CSMD1: variants seen among roughly 807,000 people sequenced by gnomAD.
CSMD1 encodes CUB and sushi domain-containing protein 1.
In CSMD1, 213 loss-of-function variants were observed where a neutral mutation model predicts 417.5. That is an observed-to-expected ratio of 0.51 (90% CI 0.46 to 0.57). The LOEUF (loss-of-function observed/expected upper bound fraction) is 0.57, where lower values mean the gene tolerates loss of function less well. Among genes scored for constraint, CSMD1 ranks in the 20% least tolerant of loss-of-function variants. The probability of loss-of-function intolerance (pLI) is 0.00; values close to 1 mark genes in which losing one functional copy is unlikely to be tolerated. For synonymous variants in CSMD1, 2,862 were observed against 1,736.8 expected (o/e 1.65, Z -16.11); for missense variants, 6,923 against 4,529.7 (o/e 1.53, Z -15.17).
chr8:3,614,771 A>G (rs1361074017), intron 8 of CSMD1, among the ~76,000 whole-genome samples: 1 of 152,208 alleles, frequency 6.6e-6, no homozygotes, highest in African/African-American at 2.4e-5. Flanking sequence ...TGTGCCACGC[A>G]CAGTTTTAGT....
intron 3 of CSMD1, among the ~76,000 whole-genome samples, chr8:4,385,788 G>C: frequency 6.6e-6 from 1 of 152,106 alleles, no homozygotes; most frequent in Non-Finnish European, 1.5e-5. Context: ...GTTTGTATTT[G>C]TAGAGTGTTA....
intron 4 of CSMD1, among the ~76,000 whole-genome samples, chr8:4,002,892 T>A (rs181341868): frequency 6.6e-6 from 1 of 152,322 alleles, no homozygotes. Context: ...TACATTAAAA[T>A]ATAATATATG....
chr8:4,396,029 TAGA>T (rs1396434368), intron 3 of CSMD1, among the ~76,000 whole-genome samples: 5 of 152,132 alleles, frequency 3.3e-5, no homozygotes, highest in Non-Finnish European at 7.4e-5. Context: ...TCTAATTCTA[TAGA>T]AGGAGTAGCT....
chr8:3,450,912 C>T (rs980073795), intron 12 of CSMD1, among the ~76,000 whole-genome samples: 1 of 151,844 alleles, frequency 6.6e-6, no homozygotes, highest in Non-Finnish European at 1.5e-5. Flanking sequence ...AATGGTTGAA[C>T]TAGTTTACAG....
At chr8:3,748,448 G>A (rs1263162673) in intron 6 of CSMD1, among the ~76,000 whole-genome samples, 2 of 152,184 alleles carry the variant, frequency 1.3e-5, no homozygotes, top group Admixed American at 6.5e-5. Flanking sequence ...ACACTCTGCA[G>A]AGCAGTGGTC....
At chr8:3,685,734 T>C (rs1209449799) in intron 7 of CSMD1, among the ~76,000 whole-genome samples, 1 of 152,042 alleles carries the variant, frequency 6.6e-6, no homozygotes, top group Non-Finnish European at 1.5e-5. Flanking sequence ...TTTCTTTCTT[T>C]TTTTTTATAA....
intron 5 of CSMD1, among the ~76,000 whole-genome samples, chr8:3,837,334 A>G (rs1255378634): frequency 2.6e-5 from 4 of 152,194 alleles, no homozygotes; most frequent in Non-Finnish European, 4.4e-5. Context: ...TCATTTCTAC[A>G]TCAGAGCCCC....
intron 5 of CSMD1, among the ~76,000 whole-genome samples, chr8:3,840,682 T>A (rs563438062): frequency 6.7e-6 from 1 of 149,140 alleles, no homozygotes; most frequent in East Asian, 2.0e-4. Context: ...TGACCTCAAT[T>A]CTTTTTTTTA....
intron 2 of CSMD1, among the ~76,000 whole-genome samples, chr8:4,432,413 T>G (rs1034557499): frequency 6.6e-6 from 1 of 152,180 alleles, no homozygotes; most frequent in Non-Finnish European, 1.5e-5. Flanking sequence ...GTTATGTTGA[T>G]TTCCTAGATT....
At chr8:3,458,912 A>G (rs532321320) in intron 12 of CSMD1, among the ~76,000 whole-genome samples, 1 of 152,188 alleles carries the variant, frequency 6.6e-6, no homozygotes, top group Non-Finnish European at 1.5e-5. Flanking sequence ...TGCTGCTGGT[A>G]GCCACAGGGA....
intron 17 of CSMD1, among the ~76,000 whole-genome samples, chr8:3,387,886 T>C (rs1170505906): frequency 1.3e-5 from 2 of 152,336 alleles, no homozygotes; most frequent in South Asian, 2.1e-4. Flanking sequence ...TTTATATTGT[T>C]ATGCTGTTTA....
At chr8:4,985,590 C>G (rs981379527) in intron 1 of CSMD1, among the ~76,000 whole-genome samples, 3 of 152,152 alleles carry the variant, frequency 2.0e-5, no homozygotes, top group African/African-American at 7.2e-5. Flanking sequence ...TATATCTTCC[C>G]TAAATCACAG....
At chr8:3,929,638 C>T (rs1476624858) in intron 5 of CSMD1, among the ~76,000 whole-genome samples, 1 of 148,108 alleles carries the variant, frequency 6.8e-6, no homozygotes, top group Non-Finnish European at 1.5e-5. Flanking sequence ...TATATTGTTT[C>T]AAAACATATT....
intron 5 of CSMD1, among the ~76,000 whole-genome samples, chr8:3,875,494 C>T (rs957575825): frequency 2.0e-5 from 3 of 151,838 alleles, no homozygotes; most frequent in African/African-American, 7.3e-5. Flanking sequence ...GGGTCACTGG[C>T]ATGGAGAGGT....
intron 25 of CSMD1, among the ~76,000 whole-genome samples, chr8:3,292,358 C>T (rs1051950149): frequency 1.3e-5 from 2 of 152,064 alleles, no homozygotes; most frequent in Non-Finnish European, 2.9e-5. Context: ...TGGTGCAGAG[C>T]TGAGTTCAAT....
chr8:4,794,508 CT>C (rs2117249709), intron 1 of CSMD1, among the ~76,000 whole-genome samples: 1 of 152,236 alleles, frequency 6.6e-6, no homozygotes, highest in South Asian at 2.1e-4. Context: ...GTTCTGTCCC[CT>C]GCTCTCCTCT....
chr8:4,623,731 ATGTGTGTGT>A (rs1801919035), intron 2 of CSMD1, among the ~76,000 whole-genome samples: 1 of 151,914 alleles, frequency 6.6e-6, no homozygotes, highest in African/African-American at 2.4e-5. Context: ...GCATATACAG[ATGTGTGTGT>A]GTATATATAT....
rs371338205 is a variant in CSMD1 at position 4,733,431 on chromosome 8, G to C, written c.86-95873C>G. 2.6e-5 allele frequency among the ~76,000 whole-genome samples: 4 copies of C among 152,178 alleles called. 1 individual carries two copies. Among genetic ancestry groups the C allele is most frequent in the African/African-American group, 7.2e-5 (3 of 41,450 alleles). On this transcript the variant is annotated intron_variant, in intron 1 of 69. Transcript: ENST00000635120. The stretch of plus-strand genomic sequence containing the variant: ...TTGGAAAGAAGGAAACAGACATAGA[G>C]GGAAGGTAGGTGTCGGAGAAGGAGC...
At chr8:4,365,855 A>G (rs1802037867) in intron 3 of CSMD1, among the ~76,000 whole-genome samples, 1 of 152,230 alleles carries the variant, frequency 6.6e-6, no homozygotes, top group African/African-American at 2.4e-5. Context: ...AAACATCACT[A>G]AAAATCTACT....
Sources: allele counts gnomAD v4.1 joint callset (sites outside exome capture counted in the v4.1 genomes callset), GRCh38; gene constraint gnomAD v4.1.1; transcripts MANE v1.5; gene names NCBI Gene and HGNC (gene_info 2026-07-23, HGNC 2026-07-21).